The following RAPGEF4 variants were observed in gnomAD, a reference collection of about 807,000 sequenced individuals.
RAPGEF4 encodes the protein Rap guanine nucleotide exchange factor 4, also known as RAP guanine-nucleotide-exchange factor (GEF) 4.
RAPGEF4 carries 66 observed loss-of-function variants against 147.9 expected under a neutral mutation model. The observed-to-expected ratio is 0.45, with a 90% CI of 0.37 to 0.55. The LOEUF (loss-of-function observed/expected upper bound fraction) is 0.55, where lower values mean the gene tolerates loss of function less well. RAPGEF4 is among the 20% of genes least tolerant of loss of function. The probability of loss-of-function intolerance (pLI) is 0.00; values close to 1 mark genes in which losing one functional copy is unlikely to be tolerated. For missense variants in RAPGEF4, 1,071 were observed against 1,257.3 expected, an observed-to-expected ratio of 0.85 and a Z score of 2.24; for synonymous variants, 419 against 442.7, an observed-to-expected ratio of 0.95 and a Z score of 0.67.
At chr2:172,947,767 TAAG>T (rs1687821199) in intron 6 of RAPGEF4, among the ~76,000 whole-genome samples, 1 of 152,188 alleles carries the variant, frequency 6.6e-6, no homozygotes, top group Admixed American at 6.5e-5. Flanking sequence ...TTTTTTTTGA[TAAG>T]AAGTTCTAAA....
At chr2:172,927,400 A>G (rs1685478641) in intron 6 of RAPGEF4, among the ~76,000 whole-genome samples, 1 of 152,212 alleles carries the variant, frequency 6.6e-6, no homozygotes, top group Non-Finnish European at 1.5e-5. Flanking sequence ...ACATTTTATC[A>G]CTACAGACTG....
chr2:172,843,108 G>C (rs1381923634), intron 4 of RAPGEF4, among the ~76,000 whole-genome samples: 2 of 152,144 alleles, frequency 1.3e-5, no homozygotes, highest in Non-Finnish European at 2.9e-5. Context: ...GATCGTTGGA[G>C]GTGGTGTCAT....
chr2:172,893,308 G>A (rs1196569344), intron 4 of RAPGEF4, among the ~76,000 whole-genome samples: 1 of 152,206 alleles, frequency 6.6e-6, no homozygotes, highest in Non-Finnish European at 1.5e-5. Context: ...CGTCCTGGGA[G>A]AGAACTGCAA....
At chr2:172,791,646 G>A (rs578127963) in intron 1 of RAPGEF4, among the ~76,000 whole-genome samples, 4 of 152,094 alleles carry the variant, frequency 2.6e-5, no homozygotes, top group African/African-American at 7.2e-5. Flanking sequence ...GAATGACATC[G>A]TTAGGGCCTA....
intron 10 of RAPGEF4, among the ~76,000 whole-genome samples, chr2:172,976,268 C>T (rs191634371): frequency 1.3e-5 from 2 of 152,234 alleles, no homozygotes; most frequent in Admixed American, 1.3e-4. Context: ...TTTAAATGTG[C>T]AGTCACCAGG....
At chr2:172,947,161 C>A (rs1471011938) in intron 6 of RAPGEF4, among the ~76,000 whole-genome samples, 1 of 152,082 alleles carries the variant, frequency 6.6e-6, no homozygotes, top group East Asian at 1.9e-4. Context: ...AGAATGTGAT[C>A]ATGTTATATT....
At chr2:172,797,696 A>T (rs868234262) in intron 3 of RAPGEF4, 83 bp downstream of exon 3, 5 of 1,074,612 alleles carry the variant, frequency 4.7e-6, no homozygotes, top group Admixed American at 2.4e-5. Context: ...CATTAAAATT[A>T]CATTTTCAAG....
chr2:172,915,241 T>G (rs1483725795), intron 4 of RAPGEF4, among the ~76,000 whole-genome samples: 1 of 152,216 alleles, frequency 6.6e-6, no homozygotes, highest in Non-Finnish European at 1.5e-5. Context: ...ATTTTTAAAT[T>G]CAATTCAGCA....
At chr2:172,888,587 A>G (rs1412312775) in intron 4 of RAPGEF4, among the ~76,000 whole-genome samples, 6 of 152,326 alleles carry the variant, frequency 3.9e-5, no homozygotes, top group South Asian at 4.1e-4. Context: ...TTGATTTTCT[A>G]TCTACCTCAA....
At chr2:172,857,903 A>G (rs1332095579) in intron 4 of RAPGEF4, among the ~76,000 whole-genome samples, 55 of 4,678 alleles carry the variant, frequency 0.012, no homozygotes, top group Non-Finnish European at 0.024. Context: ...AAAAAAAAAA[A>G]AAAAAAAAAA....
intron 4 of RAPGEF4, among the ~76,000 whole-genome samples, chr2:172,916,367 A>G (rs1419717699): frequency 3.9e-5 from 6 of 152,170 alleles, no homozygotes; most frequent in African/African-American, 1.4e-4. Flanking sequence ...GAGTCACAAA[A>G]CCTTACAACA....
chr2:172,805,057 A>G (rs1687352451), intron 3 of RAPGEF4, among the ~76,000 whole-genome samples: 1 of 152,202 alleles, frequency 6.6e-6, no homozygotes, highest in African/African-American at 2.4e-5. Context: ...AGATAGTGGC[A>G]TGGATTCCTG....
At chr2:172,800,604 C>T (rs1574879436) in intron 3 of RAPGEF4, among the ~76,000 whole-genome samples, 1 of 152,132 alleles carries the variant, frequency 6.6e-6, no homozygotes, top group African/African-American at 2.4e-5. Context: ...TTTTTAGGAA[C>T]TGGCTCACAT....
At chr2:173,032,378 G>C (rs1054677976) in intron 26 of RAPGEF4, among the ~76,000 whole-genome samples, 1 of 152,178 alleles carries the variant, frequency 6.6e-6, no homozygotes, top group Non-Finnish European at 1.5e-5. Flanking sequence ...AGAAGCATGG[G>C]GGGGTGGATA....
intron 17 of RAPGEF4, among the ~76,000 whole-genome samples, chr2:173,011,170 G>GCGCGCACGCA (rs564434178): frequency 6.0e-5 from 8 of 133,500 alleles, no homozygotes; most frequent in Admixed American, 7.3e-5. Context: ...GCGCGCGCGC[G>GCGCGCACGCA]CACACACACA....
At chr2:172,769,675 A>G (rs1315672810) in intron 1 of RAPGEF4, among the ~76,000 whole-genome samples, 1 of 152,192 alleles carries the variant, frequency 6.6e-6, no homozygotes, top group Non-Finnish European at 1.5e-5. Flanking sequence ...AACAACACCA[A>G]CAGAAATAAG....
intron 3 of RAPGEF4, among the ~76,000 whole-genome samples, chr2:172,799,071 G>A (rs1274944601): frequency 1.3e-5 from 2 of 152,158 alleles, no homozygotes; most frequent in South Asian, 2.1e-4. Flanking sequence ...CCTCAGTTTC[G>A]AATGGGAAGG....
At chr2:172,985,191 T>C (rs974064665) in intron 11 of RAPGEF4, among the ~76,000 whole-genome samples, 12 of 152,182 alleles carry the variant, frequency 7.9e-5, no homozygotes, top group African/African-American at 2.7e-4. Flanking sequence ...AAACAGTCTC[T>C]AAGGAGGTTG....
intron 29 of RAPGEF4, among the ~76,000 whole-genome samples, chr2:173,046,805 C>T (rs989077202): frequency 1.3e-5 from 2 of 152,110 alleles, no homozygotes; most frequent in East Asian, 1.9e-4. Flanking sequence ...TCTTTGTGTG[C>T]GAAATTATCC....
Sources: gnomAD v4.1 joint callset for allele counts (sites outside exome capture counted in the v4.1 genomes callset) on GRCh38, gnomAD v4.1.1 for gene constraint, MANE v1.5 for transcripts, NCBI Gene and HGNC (gene_info 2026-07-23, HGNC 2026-07-21) for gene names.